GLMN: variants seen among roughly 807,000 people sequenced by gnomAD.
The protein encoded by GLMN is glomulin.
Under a neutral mutation model 87.8 loss-of-function variants are expected in GLMN, and 75 were observed. The ratio of observed to expected loss-of-function variants is 0.85; its 90% confidence interval spans 0.71 to 1.04. GLMN has a LOEUF of 1.04. Ranked by LOEUF, GLMN falls within the 50% of genes least tolerant of loss-of-function variation. GLMN has a pLI of 0.00. For missense variants in GLMN, 588 were observed against 658.8 expected (o/e 0.89, Z 1.18); for synonymous variants, 206 against 221.6 (o/e 0.93, Z 0.63).
At chr1:92,303,579 A>C (rs1278087062), upstream of GLMN, among the ~76,000 whole-genome samples, 1 of 152,224 alleles carries the variant, frequency 6.6e-6, no homozygotes, top group Non-Finnish European at 1.5e-5. Context: ...AAAAATAGGT[A>C]AAATTATATT....
At chr1:92,343,161 A>C in the GLMN span, among the ~76,000 whole-genome samples, 40 of 152,310 alleles carry the variant, frequency 2.6e-4, no homozygotes, top group Non-Finnish European at 5.3e-4. Context: ...GAGAGTGCTC[A>C]TGAGAGGTGG....
intron 16 of GLMN, among the ~76,000 whole-genome samples, chr1:92,259,467 C>T (rs1654718631): frequency 1.3e-5 from 2 of 152,038 alleles, no homozygotes; most frequent in Non-Finnish European, 2.9e-5. Context: ...GAGAATAAGT[C>T]AGTTGACAGT....
the GLMN span, among the ~76,000 whole-genome samples, chr1:92,311,872 G>T: frequency 6.6e-6 from 1 of 152,134 alleles, no homozygotes; most frequent in Admixed American, 6.5e-5. Flanking sequence ...ATTGCTTAAA[G>T]ATGCTACTGA....
At position 92,246,606 on chromosome 1, in the gene GLMN, CT is replaced by C. The variant is rs1339682195; in HGVS notation, c.1708del (p.Ser570ValfsTer3). 1.9e-6 allele frequency: 3 copies of C among 1,598,134 alleles called. No individual in the cohort carries two copies. The East Asian group carries it at 6.7e-5, about 36-fold the overall frequency. ...SALFTFDLIE[S>X]VLARVEELIE... ...GAGTTCTTCCACTCGAGCTAGAACA[CT>C]TTCAATCAAATCAAATGTGAAAAGA... On this transcript the variant is annotated frameshift_variant, in exon 19 of 19. Coordinates refer to ENST00000370360, the MANE Select transcript of GLMN (RefSeq NM_053274.3). LOFTEE classifies it high-confidence loss of function.
chr1:92,309,461 T>C, the GLMN span, among the ~76,000 whole-genome samples: 1 of 151,824 alleles, frequency 6.6e-6, no homozygotes, highest in Non-Finnish European at 1.5e-5. Context: ...AAATGGACTT[T>C]GTTTCTCTAA....
upstream of GLMN, chr1:92,300,245 A>G: frequency 6.2e-7 from 1 of 1,603,680 alleles, no homozygotes; most frequent in Non-Finnish European, 8.5e-7. Flanking sequence ...AAAAGGTATG[A>G]CAGCTACATG....
intron 7 of GLMN, among the ~76,000 whole-genome samples, chr1:92,281,763 G>C (rs1467847220): frequency 6.6e-6 from 1 of 151,976 alleles, no homozygotes; most frequent in East Asian, 1.9e-4. Flanking sequence ...CAAAATAAAG[G>C]GGTGGAGAAA....
intron 16 of GLMN, among the ~76,000 whole-genome samples, chr1:92,256,374 A>G (rs1654252205): frequency 6.6e-6 from 1 of 152,224 alleles, no homozygotes; most frequent in Non-Finnish European, 1.5e-5. Context: ...AACAATAGAA[A>G]AAGAGGGACT....
chr1:92,359,028 T>C, the GLMN span, among the ~76,000 whole-genome samples: 2 of 152,350 alleles, frequency 1.3e-5, no homozygotes, highest in East Asian at 3.9e-4. Context: ...TGCTTCTCAT[T>C]AATCCTTTGC....
At position 92,247,092 on chromosome 1, in the gene GLMN, G is replaced by T. The variant is rs991293556; in HGVS notation, c.1638C>A (p.Ile546=). 6.3e-7 allele frequency: 1 copy of T among 1,575,718 alleles called. No individual in the cohort carries two copies. Among genetic ancestry groups the T allele is most frequent in the Non-Finnish European group, 8.7e-7 (1 of 1,146,056 alleles). Residue 546 remains isoleucine, a synonymous_variant, in exon 18 of 19, where the codon ATC becomes ATA. Transcript: ENST00000370360. ...LCSITVSGEE[I]PNMPPEMQLK... ...GCTGCATTTCAGGAGGCATATTAGG[G>T]ATCTCTTCTCCACTTACAGTTATAG... is the stretch of plus-strand genomic sequence containing the variant.
the GLMN span, among the ~76,000 whole-genome samples, chr1:92,320,919 G>C: frequency 6.6e-6 from 1 of 152,170 alleles, no homozygotes; most frequent in African/African-American, 2.4e-5. Context: ...CAGATACCAT[G>C]CTTCTTTGTC....
chr1:92,291,413 C>G lies in GLMN; in HGVS notation c.285+5G>C. 6.4e-7 allele frequency: 1 copy of G among 1,559,488 alleles called. No individual in the cohort carries two copies. Among genetic ancestry groups the G allele is most frequent in the Non-Finnish European group, 8.8e-7 (1 of 1,130,480 alleles). ...GATAAAGAGAACCTTGTTTTGTTAA[C>G]TTACCTTTACCAATAAATCAAAGAT... On this transcript the variant is annotated splice_donor_5th_base_variant and intron_variant, in intron 4 of 18. Coordinates refer to ENST00000370360, the MANE Select transcript of GLMN (RefSeq NM_053274.3).
At chr1:92,251,134 A>AT (rs1653433060) in intron 16 of GLMN, among the ~76,000 whole-genome samples, 1 of 152,244 alleles carries the variant, frequency 6.6e-6, no homozygotes, top group Non-Finnish European at 1.5e-5. Flanking sequence ...GGATTTAAAA[A>AT]TAGCCAATAC....
chr1:92,322,050 G>C, the GLMN span, among the ~76,000 whole-genome samples: 1 of 148,094 alleles, frequency 6.8e-6, no homozygotes, highest in Non-Finnish European at 1.5e-5. Flanking sequence ...GGTTCAAGCA[G>C]TTCTCCTGCC....
chr1:92,286,144 T>G (rs1396146806), intron 7 of GLMN, among the ~76,000 whole-genome samples: 2 of 151,728 alleles, frequency 1.3e-5, no homozygotes, highest in Non-Finnish European at 2.9e-5. Flanking sequence ...TACATTATAC[T>G]AAGTCCATAC....
chr1:92,352,646 A>G, the GLMN span, among the ~76,000 whole-genome samples: 1 of 152,306 alleles, frequency 6.6e-6, no homozygotes, highest in Non-Finnish European at 1.5e-5. Context: ...ATTTCCTTAC[A>G]ACTATGGAAT....
the GLMN span, among the ~76,000 whole-genome samples, chr1:92,314,348 T>G: frequency 8.0e-3 from 1,175 of 147,402 alleles, 14 homozygotes; most frequent in African/African-American, 0.03. Flanking sequence ...TTTTGGTTTT[T>G]GGGTTTTTTT....
chr1:92,317,945 A>G, the GLMN span, among the ~76,000 whole-genome samples: 1 of 152,198 alleles, frequency 6.6e-6, no homozygotes, highest in African/African-American at 2.4e-5. Context: ...TCTGCCTTCA[A>G]GATCTTGAAA....
chr1:92,347,001 A>G, the GLMN span, among the ~76,000 whole-genome samples: 1 of 152,090 alleles, frequency 6.6e-6, no homozygotes, highest in African/African-American at 2.4e-5. Flanking sequence ...TCTTTCTTTG[A>G]TATTACTTCA....
Sources: allele counts gnomAD v4.1 joint callset (sites outside exome capture counted in the v4.1 genomes callset), GRCh38; gene constraint gnomAD v4.1.1; transcripts MANE v1.5; gene names NCBI Gene and HGNC (gene_info 2026-07-23, HGNC 2026-07-21).